MPP7: variants seen among roughly 807,000 people sequenced by gnomAD.
MPP7 encodes the protein MAGUK p55 subfamily member 7.
Under a neutral mutation model 76.5 loss-of-function variants are expected in MPP7, and 60 were observed. That is an observed-to-expected ratio of 0.78 (90% CI 0.64 to 0.97). The LOEUF (loss-of-function observed/expected upper bound fraction) is 0.97, where lower values mean the gene tolerates loss of function less well. Among genes scored for constraint, MPP7 ranks in the 50% least tolerant of loss-of-function variants. The pLI is 0.00. For synonymous variants in MPP7, 237 were observed against 244.5 expected, an observed-to-expected ratio of 0.97 and a Z score of 0.29; for missense variants, 641 against 694.0, an observed-to-expected ratio of 0.92 and a Z score of 0.86.
chr10:28,153,589 T>C (rs1305563930), intron 3 of MPP7, among the ~76,000 whole-genome samples: 6 of 152,224 alleles, frequency 3.9e-5, no homozygotes, highest in Non-Finnish European at 8.8e-5. Flanking sequence ...AATTTTAATA[T>C]GTAAGCAGTT....
intron 4 of MPP7, among the ~76,000 whole-genome samples, chr10:28,149,593 A>T (rs1261695684): frequency 6.6e-6 from 1 of 152,158 alleles, no homozygotes; most frequent in Non-Finnish European, 1.5e-5. Flanking sequence ...TTCGTATCCT[A>T]GTATCTGTCA....
chr10:28,285,348 G>T (rs1840767520), intron 1 of MPP7, among the ~76,000 whole-genome samples: 1 of 152,048 alleles, frequency 6.6e-6, no homozygotes, highest in African/African-American at 2.4e-5. Context: ...ACCACACCCA[G>T]CTAATTTTGT....
chr10:28,269,701 A>G (rs921551618), intron 1 of MPP7, among the ~76,000 whole-genome samples: 1 of 151,542 alleles, frequency 6.6e-6, no homozygotes, highest in Non-Finnish European at 1.5e-5. Flanking sequence ...TAATTTTTTT[A>G]AATTTTTTTA....
intron 2 of MPP7, among the ~76,000 whole-genome samples, chr10:28,327,681 C>T (rs1230847095): frequency 6.6e-6 from 1 of 152,174 alleles, no homozygotes; most frequent in Non-Finnish European, 1.5e-5. Context: ...CTGAGACCAT[C>T]TAGGGACATG....
At chr10:28,113,493 A>G (rs1188408310) in intron 11 of MPP7, among the ~76,000 whole-genome samples, 1 of 152,170 alleles carries the variant, frequency 6.6e-6, no homozygotes, top group African/African-American at 2.4e-5. Context: ...CTTGGTAGGA[A>G]TAAACCGGAA....
At chr10:28,184,951 T>C (rs1011313632) in intron 3 of MPP7, among the ~76,000 whole-genome samples, 15 of 147,216 alleles carry the variant, frequency 1.0e-4, no homozygotes, top group African/African-American at 3.4e-4. Context: ...AATGTAATAA[T>C]ATAATATATT....
At chr10:28,330,993 G>C (rs703017) in intron 1 of MPP7, among the ~76,000 whole-genome samples, 55,881 of 151,894 alleles carry the variant, frequency 0.37, 11,370 homozygotes, top group African/African-American at 0.54. Context: ...ACACAGTACC[G>C]TATTCATTTT....
chr10:28,334,467 G>A (rs1214142140), exon 1 of MPP7: 1 of 152,186 alleles, frequency 6.6e-6, no homozygotes, highest in Non-Finnish European at 1.5e-5. Flanking sequence ...TACGGTGTCT[G>A]AGTGAAGCTA....
intron 11 of MPP7, among the ~76,000 whole-genome samples, chr10:28,109,683 G>C (rs1400973474): frequency 2.0e-5 from 3 of 151,476 alleles, no homozygotes; most frequent in Non-Finnish European, 4.4e-5. Flanking sequence ...ATGACTTCGA[G>C]GAAAGCAACA....
At chr10:28,191,873 C>T (rs1837419730) in intron 3 of MPP7, among the ~76,000 whole-genome samples, 1 of 152,054 alleles carries the variant, frequency 6.6e-6, no homozygotes, top group African/African-American at 2.4e-5. Flanking sequence ...CCTATAATCC[C>T]AGCACTTTGG....
At chr10:28,321,948 CGTGTGTGT>C (rs3064171) in intron 2 of MPP7, among the ~76,000 whole-genome samples, 3,858 of 143,424 alleles carry the variant, frequency 0.027, 120 homozygotes, top group African/African-American at 0.072. Context: ...TTTTTGTAGA[CGTGTGTGT>C]GTGTGTGTGT....
At chr10:28,299,159 G>T (rs1478810720) in intron 1 of MPP7, among the ~76,000 whole-genome samples, 6 of 152,206 alleles carry the variant, frequency 3.9e-5, no homozygotes, top group Non-Finnish European at 7.3e-5. Context: ...GAGCTCGCTT[G>T]TTTGGTGCAA....
At chr10:28,223,655 C>T (rs1297672645) in intron 2 of MPP7, among the ~76,000 whole-genome samples, 1 of 152,002 alleles carries the variant, frequency 6.6e-6, no homozygotes, top group East Asian at 1.9e-4. Flanking sequence ...AGATCAAAGA[C>T]AGGATTAGTT....
chr10:28,316,467 A>ATTTTTTTTTTTTTTTTTTTTTT (rs1163883825), intron 2 of MPP7, among the ~76,000 whole-genome samples: 1 of 135,242 alleles, frequency 7.4e-6, no homozygotes, highest in Non-Finnish European at 1.5e-5. Flanking sequence ...AAAAAAAAAA[A>ATTTTTTTTTTTTTTTTTTTTTT]AAAAACTATC....
intron 2 of MPP7, among the ~76,000 whole-genome samples, chr10:28,224,056 A>C (rs1159369497): frequency 5.9e-5 from 9 of 151,624 alleles, no homozygotes; most frequent in Admixed American, 1.3e-4. Context: ...ATTAGCGTAC[A>C]CGCCTATAAT....
At chr10:28,284,383 A>G (rs1342811458) in intron 1 of MPP7, among the ~76,000 whole-genome samples, 2 of 152,228 alleles carry the variant, frequency 1.3e-5, no homozygotes, top group Admixed American at 6.5e-5. Context: ...GGGAGGGAGC[A>G]GCAGCTTAAA....
chr10:28,279,730 C>G (rs933532603), intron 1 of MPP7, among the ~76,000 whole-genome samples: 4 of 151,736 alleles, frequency 2.6e-5, no homozygotes, highest in African/African-American at 9.7e-5. Context: ...GAACTCCATG[C>G]ATTCTTTCAA....
chr10:28,118,193 C>G (rs1834718153), intron 11 of MPP7: 1 of 985,016 alleles, frequency 1.0e-6, no homozygotes, highest in African/African-American at 1.7e-5. Context: ...AACACACATA[C>G]CCCCACACAC....
rs938854329 is a variant in MPP7 at position 28,118,898 on chromosome 10, C to T, written c.952+753G>A. Reference sequence around the variant, plus strand: ...CAGGGCCATTTATTTGGTCATTTCGCTGTTTAATGTACAGTTTCTATGCTA... The same window carrying T: ...CAGGGCCATTTATTTGGTCATTTCGTTGTTTAATGTACAGTTTCTATGCTA... On this transcript the variant is annotated intron_variant, in intron 11 of 16. Transcript: ENST00000683449. 82 of 985,346 alleles carry T rather than the reference C, an allele frequency of 8.3e-5. No homozygotes were observed. The African/African-American group carries it at 1.4e-3, about 16-fold the overall frequency. 61.0% of individuals were successfully genotyped at this position (985,346 alleles called of 1,614,324 possible).
Sources: gnomAD v4.1 joint callset for allele counts (sites outside exome capture counted in the v4.1 genomes callset) on GRCh38, gnomAD v4.1.1 for gene constraint, MANE v1.5 for transcripts, NCBI Gene and HGNC (gene_info 2026-07-23, HGNC 2026-07-21) for gene names.